Variants in NADK2 observed in about 807,000 individuals in gnomAD.
NADK2 encodes NAD kinase domain-containing protein 1, mitochondrial.
A neutral mutation model predicts 62.1 loss-of-function variants in NADK2; 35 were observed. The observed-to-expected ratio is 0.56, with a 90% CI of 0.43 to 0.75. The LOEUF (loss-of-function observed/expected upper bound fraction) is 0.75. NADK2 is among the 30% of genes least tolerant of loss of function. The pLI is 0.00. For synonymous variants in NADK2, 205 were observed against 207.9 expected (o/e 0.99, Z 0.12); for missense variants, 439 against 561.3 (o/e 0.78, Z 2.20).
chr5:36,210,393 C>T (rs548302282), intron 7 of NADK2, among the ~76,000 whole-genome samples: 1 of 152,246 alleles, frequency 6.6e-6, no homozygotes, highest in Admixed American at 6.5e-5. Flanking sequence ...CACATTTTTA[C>T]ACTCCTAATG....
intron 4 of NADK2, among the ~76,000 whole-genome samples, chr5:36,220,838 G>A (rs1429562552): frequency 6.6e-6 from 1 of 152,188 alleles, no homozygotes; most frequent in East Asian, 1.9e-4. Flanking sequence ...TCACATGGCT[G>A]GCAAATTGGT....
Position 36,241,482 on chromosome 5 carries a change from G to A in NADK2, c.300+17C>T. ...CGGCCGAGCCCGGGAGCGAAGCGGG[G>A]CCGAGCCAGGACCCACCAGCTGCTT... On this transcript the variant is annotated intron_variant, in intron 1 of 11. Coordinates refer to ENST00000381937, the MANE Select transcript of NADK2 (RefSeq NM_001085411.3). This position sits in a 1 kb window ranked among gnomAD's most constrained non-coding sequence, Gnocchi z 4.9. 1 of 1,521,914 alleles carries A rather than the reference G, an allele frequency of 6.6e-7. No individual in the cohort carries two copies. Among genetic ancestry groups the A allele is most frequent in the Admixed American group, 2.0e-5 (1 of 51,228 alleles). The allele number at this position is 1,521,914 out of a possible 1,614,324, so 94.3% of individuals were successfully genotyped here.
chr5:36,225,840 T>C (rs1747462802), intron 3 of NADK2, among the ~76,000 whole-genome samples: 1 of 152,188 alleles, frequency 6.6e-6, no homozygotes, highest in South Asian at 2.1e-4. Flanking sequence ...GGCAGAATAA[T>C]TCTTTGTTGT....
chr5:36,241,682 A>T lies in NADK2; in HGVS notation c.117T>A (p.Gly39=), dbSNP rs1194619875. 1.7e-6 allele frequency: 2 copies of T among 1,174,626 alleles called. No individual in the cohort carries two copies. The highest frequency in any genetic ancestry group is 9.4e-5 in the Admixed American group (2 of 21,180). The allele number at this position is 1,174,626 out of a possible 1,614,324, so 72.8% of individuals were successfully genotyped here. ...CCAGGTGCCGCCGGCCGCCACCGTC[A>T]CCGCCCAGCCGGGGCCGCGCGGCGG... The part of the protein sequence containing the change: ...GGPAARPRLG[G]DGGGRRHLGQ... The change falls in exon 1 of 12, where the codon GGT becomes GGA. Residue 39 remains glycine, a synonymous_variant. Coordinates refer to ENST00000381937, the MANE Select transcript of NADK2 (RefSeq NM_001085411.3). The surrounding 1 kb of genome is among the most constrained non-coding windows in gnomAD (Gnocchi z 4.9).
intron 7 of NADK2, among the ~76,000 whole-genome samples, chr5:36,207,630 A>C (rs943530790): frequency 4.6e-5 from 7 of 152,130 alleles, no homozygotes; most frequent in Non-Finnish European, 5.9e-5. Flanking sequence ...ACTATTCTTA[A>C]GTGAGTTTCA....
At chr5:36,228,042 G>A (rs1247475602) in intron 1 of NADK2, among the ~76,000 whole-genome samples, 1 of 151,854 alleles carries the variant, frequency 6.6e-6, no homozygotes, top group Non-Finnish European at 1.5e-5. Context: ...GCGGTTAGAT[G>A]ACCTTTGTTC....
rs931783225 is a variant in NADK2, at chr5:36,205,459, T to C, written c.956+1711A>G. On this transcript the variant is annotated intron_variant, in intron 8 of 11. Coordinates refer to ENST00000381937, the MANE Select transcript of NADK2 (RefSeq NM_001085411.3). This position sits in a 1 kb window ranked among gnomAD's most constrained non-coding sequence, Gnocchi z 4.1. ...GTGTGCTGAGAATTGCAAGTAGCTGTGCCAATTCTAGTGTGCCATAGGTGG... is the reference window on the plus strand; with the variant it reads ...GTGTGCTGAGAATTGCAAGTAGCTGCGCCAATTCTAGTGTGCCATAGGTGG... Among the ~76,000 whole-genome samples, 2 of 152,042 alleles carry C rather than the reference T, an allele frequency of 1.3e-5. No individual in the cohort carries two copies. The highest frequency in any genetic ancestry group is 3.9e-4 in the East Asian group (2 of 5,180).
intron 8 of NADK2, among the ~76,000 whole-genome samples, chr5:36,203,672 A>G (rs921534980): frequency 6.6e-6 from 1 of 152,208 alleles, no homozygotes; most frequent in Non-Finnish European, 1.5e-5. Flanking sequence ...TACTGGGTGC[A>G]TGTGGGAGGC....
intron 8 of NADK2, 119 bp downstream of exon 8, chr5:36,207,051 C>A: frequency 1.3e-6 from 1 of 744,446 alleles, no homozygotes; most frequent in South Asian, 1.6e-5. Context: ...AGAAACTTGG[C>A]CTACCTACAT....
At chr5:36,214,106 T>C (rs926691045) in intron 6 of NADK2, among the ~76,000 whole-genome samples, 2 of 152,244 alleles carry the variant, frequency 1.3e-5, no homozygotes, top group Admixed American at 6.5e-5. Flanking sequence ...AATTGACTAC[T>C]AAACCTTATC....
intron 1 of NADK2, among the ~76,000 whole-genome samples, chr5:36,233,006 C>G (rs1019706627): frequency 1.3e-5 from 2 of 152,176 alleles, no homozygotes; most frequent in Non-Finnish European, 2.9e-5. Context: ...ACAATAGCAT[C>G]ATTTACATGA....
chr5:36,228,789 AT>A (rs34062296), intron 1 of NADK2, among the ~76,000 whole-genome samples: 6 of 131,892 alleles, frequency 4.5e-5, no homozygotes, highest in African/African-American at 1.8e-4. Flanking sequence ...CAGCTAATTT[AT>A]TTTATTTTTT....
At chr5:36,209,515 T>G (rs541073023) in intron 7 of NADK2, among the ~76,000 whole-genome samples, 11 of 152,258 alleles carry the variant, frequency 7.2e-5, no homozygotes, top group Admixed American at 1.3e-4. Flanking sequence ...TTATTTAAGG[T>G]AGACTTTCTC....
chr5:36,201,020 C>G, intron 9 of NADK2, 86 bp downstream of exon 9: 4 of 1,100,866 alleles, frequency 3.6e-6, no homozygotes, highest in Non-Finnish European at 5.5e-6. Context: ...TTGGTAGTAT[C>G]CAAGGTTTCA....
At chr5:36,208,375 C>T (rs1298176215) in intron 7 of NADK2, among the ~76,000 whole-genome samples, 1 of 151,934 alleles carries the variant, frequency 6.6e-6, no homozygotes, top group Non-Finnish European at 1.5e-5. Context: ...GACAAGCCAG[C>T]CAAATCCATA....
intron 7 of NADK2, 122 bp downstream of exon 7, chr5:36,211,722 A>AT (rs1448556219): frequency 2.7e-6 from 2 of 750,044 alleles, no homozygotes; most frequent in Non-Finnish European, 4.5e-6. Flanking sequence ...TCATTAAATA[A>AT]TGAACTGCCA....
chr5:36,237,228 A>G (rs1747942696), intron 1 of NADK2, among the ~76,000 whole-genome samples: 1 of 152,206 alleles, frequency 6.6e-6, no homozygotes, highest in African/African-American at 2.4e-5. Flanking sequence ...TCATTTCAGA[A>G]TGTGTTTAAT....
At chr5:36,210,640 C>G (rs1015344536) in intron 7 of NADK2, among the ~76,000 whole-genome samples, 1 of 152,142 alleles carries the variant, frequency 6.6e-6, no homozygotes, top group East Asian at 1.9e-4. Flanking sequence ...AATGACAAAA[C>G]AGGATGGAGC....
At chr5:36,215,585 CCT>C (rs1157227406) in intron 6 of NADK2, among the ~76,000 whole-genome samples, 1 of 152,150 alleles carries the variant, frequency 6.6e-6, no homozygotes, top group Non-Finnish European at 1.5e-5. Flanking sequence ...CATTAACCAA[CCT>C]CTGTTTATCC....
Sources: gnomAD v4.1 joint callset for allele counts (sites outside exome capture counted in the v4.1 genomes callset) on GRCh38, gnomAD v4.1.1 for gene constraint, Gnocchi (gnomAD v3.1) non-coding constraint, MANE v1.5 for transcripts, NCBI Gene and HGNC (gene_info 2026-07-23, HGNC 2026-07-21) for gene names.